Variants in HOOK3 observed in about 807,000 individuals in gnomAD.
HOOK3 encodes the protein hook microtubule tethering protein 3.
In HOOK3, 24 loss-of-function variants were observed where a neutral mutation model predicts 116.3. That is an observed-to-expected ratio of 0.21 (90% CI 0.15 to 0.29). HOOK3 has a LOEUF of 0.29. Ranked by LOEUF, HOOK3 falls within the 10% of genes least tolerant of loss-of-function variation. HOOK3 has a pLI of 1.00. For missense variants in HOOK3, 632 were observed against 830.2 expected (o/e 0.76, Z 2.93); for synonymous variants, 275 against 283.0 (o/e 0.97, Z 0.28).
Position 43,025,209 on chromosome 8 carries a change from G to A in HOOK3, c.*6711G>A, listed in dbSNP as rs1026349795. On this transcript the variant is annotated 3_prime_UTR_variant, in exon 22 of 22. Coordinates refer to ENST00000307602, the MANE Select transcript of HOOK3 (RefSeq NM_032410.4). ...TATGATAGATAAATATATAGATATAGATCAGGAATTACTTGATGTCTCTTC... is the reference window on the plus strand; with the variant it reads ...TATGATAGATAAATATATAGATATAAATCAGGAATTACTTGATGTCTCTTC... 2 of 205,120 alleles carry A rather than the reference G, an allele frequency of 9.8e-6. No homozygotes were observed. Among genetic ancestry groups the A allele is most frequent in the Non-Finnish European group, 2.0e-5 (2 of 100,282 alleles). 12.7% of individuals were successfully genotyped at this position (205,120 alleles called of 1,614,324 possible). A position where few individuals can be genotyped will look rare whatever the true frequency, so the allele number is the denominator to read the frequency against.
At position 42,964,291 on chromosome 8, in the gene HOOK3, G is replaced by A. The variant is rs763705555; in HGVS notation, c.616-20G>A. 21 of 1,612,854 alleles carry A rather than the reference G, an allele frequency of 1.3e-5. No homozygotes were observed. The highest frequency in any genetic ancestry group is 5.5e-5 in the South Asian group (5 of 91,040). On this transcript the variant is annotated intron_variant, in intron 8 of 21. Coordinates refer to ENST00000307602, the MANE Select transcript of HOOK3 (RefSeq NM_032410.4). ...AGTGTAGTTGGAAGAAATAACTGCC[G>A]TCGTCCTATATTCCAACAGGTTGCA...
In HOOK3 at chr8:43,010,305, C is replaced by T. The variant is rs1809580997; in HGVS notation, c.1739C>T (p.Ser580Phe). 3.1e-6 allele frequency: 4 copies of T among 1,278,996 alleles called. No homozygotes were observed. The highest frequency in any genetic ancestry group is 2.8e-5 in the Admixed American group (1 of 35,648). 79.2% of individuals were successfully genotyped at this position (1,278,996 alleles called of 1,614,324 possible). Residue 580 changes from serine to phenylalanine, a missense_variant and splice_region_variant, in exon 19 of 22, where the codon TCC (serine) becomes TTC (phenylalanine). Physicochemically the swap from Ser to Phe is radical, Grantham distance 155. Around this residue, in one of 3 missense-constraint regions of HOOK3, gnomAD observed 483 missense variants for 648.1 expected, o/e 0.75. Coordinates refer to ENST00000307602, the MANE Select transcript of HOOK3 (RefSeq NM_032410.4). ...EDLEPRFNNS[S>F]LKIEELQEAL... Reference sequence around the variant, plus strand: ...ATATTTTACTGTGTCTCATCTGCAGCCTTAAAAATTGAAGAATTACAAGAA... The same window carrying T: ...ATATTTTACTGTGTCTCATCTGCAGTCTTAAAAATTGAAGAATTACAAGAA...
chr8:42,958,095 G>A (rs1442186150), intron 7 of HOOK3, among the ~76,000 whole-genome samples: 2 of 152,202 alleles, frequency 1.3e-5, no homozygotes, highest in African/African-American at 2.4e-5. Flanking sequence ...GCTTCCCAAA[G>A]TGCTGGGGTT....
intron 15 of HOOK3, among the ~76,000 whole-genome samples, chr8:42,994,115 A>G (rs1431538846): frequency 6.6e-6 from 1 of 152,100 alleles, no homozygotes; most frequent in Non-Finnish European, 1.5e-5. Flanking sequence ...TCCTGGGTTC[A>G]AGTGATTCTC....
At chr8:42,932,522 C>T (rs1278261346) in intron 4 of HOOK3, among the ~76,000 whole-genome samples, 1 of 152,156 alleles carries the variant, frequency 6.6e-6, no homozygotes, top group Non-Finnish European at 1.5e-5. Flanking sequence ...AGCCAAGGCT[C>T]ATATGCACCT....
At chr8:42,985,543 T>C (rs1158021122) in intron 14 of HOOK3, among the ~76,000 whole-genome samples, 2 of 152,196 alleles carry the variant, frequency 1.3e-5, no homozygotes, top group Non-Finnish European at 2.9e-5. Flanking sequence ...TTTTGTGCTA[T>C]AGTTATGGAG....
At chr8:42,992,399 CA>C (rs36048747) in intron 15 of HOOK3, among the ~76,000 whole-genome samples, 512 of 38,946 alleles carry the variant, frequency 0.013, no homozygotes, top group Middle Eastern at 0.017. Flanking sequence ...GACTCTGTCT[CA>C]AAAAAAAAAA....
At chr8:42,969,511 G>T (rs549703190) in intron 11 of HOOK3, among the ~76,000 whole-genome samples, 12 of 152,302 alleles carry the variant, frequency 7.9e-5, no homozygotes, top group Admixed American at 6.5e-4. Flanking sequence ...TGTGGTCCCA[G>T]CTATTTGGGA....
rs1049553934 is a variant in HOOK3 at position 43,022,101 on chromosome 8, A to C, written c.*3603A>C. 5.4e-4 allele frequency: 110 copies of C among 201,870 alleles called. 1 individual carries two copies. In the East Asian group the frequency reaches 7.5e-3, roughly 14 times the overall value. The allele number at this position is 201,870 out of a possible 1,614,324, so 12.5% of individuals were successfully genotyped here. A position where few individuals can be genotyped will look rare whatever the true frequency, so the allele number is the denominator to read the frequency against. ...AGGCTGTTGTAAAAAAAAAAAAAAAAAAAACTTCTGAATATACTTTAGGTA... is the reference window on the plus strand; with the variant it reads ...AGGCTGTTGTAAAAAAAAAAAAAAACAAAACTTCTGAATATACTTTAGGTA... On this transcript the variant is annotated 3_prime_UTR_variant, in exon 22 of 22. Coordinates refer to ENST00000307602, the MANE Select transcript of HOOK3 (RefSeq NM_032410.4).
intron 7 of HOOK3, among the ~76,000 whole-genome samples, chr8:42,958,794 C>T (rs1808485308): frequency 1.3e-5 from 2 of 151,778 alleles, no homozygotes; most frequent in South Asian, 4.2e-4. Flanking sequence ...ATATGACTCT[C>T]CTTCCCCCAC....
intron 1 of HOOK3, among the ~76,000 whole-genome samples, chr8:42,902,250 G>A (rs1807204563): frequency 6.6e-6 from 1 of 151,020 alleles, no homozygotes. Context: ...GGGGAGCCAA[G>A]AAATGTGTAT....
intron 2 of HOOK3, among the ~76,000 whole-genome samples, chr8:42,912,365 C>CTT (rs34218770): frequency 0.13 from 19,704 of 152,052 alleles, 1,747 homozygotes; most frequent in African/African-American, 0.25. Flanking sequence ...TGACATCTCT[C>CTT]TTTGTCTATG....
intron 11 of HOOK3, among the ~76,000 whole-genome samples, chr8:42,968,969 T>C (rs1029148390): frequency 7.9e-5 from 12 of 152,168 alleles, no homozygotes; most frequent in African/African-American, 2.9e-4. Flanking sequence ...AAAGCACTCT[T>C]TGTAATTTTT....
intron 1 of HOOK3, chr8:42,897,402 G>T: frequency 2.6e-6 from 1 of 381,210 alleles, no homozygotes; most frequent in Admixed American, 4.5e-5. Context: ...CCGGGGCTGG[G>T]CTGGGAACGC....
chr8:42,969,564 A>G (rs914889201), intron 11 of HOOK3, among the ~76,000 whole-genome samples: 1 of 152,220 alleles, frequency 6.6e-6, no homozygotes, highest in African/African-American at 2.4e-5. Flanking sequence ...CTCAGAGGCT[A>G]CAGTGAGCTA....
chr8:42,962,772 CT>C (rs1808558529), intron 8 of HOOK3, among the ~76,000 whole-genome samples: 2 of 137,444 alleles, frequency 1.5e-5, no homozygotes, highest in Admixed American at 7.3e-5. Flanking sequence ...AATATATTGA[CT>C]TTTTTTGGTC....
chr8:42,906,251 CA>C lies in HOOK3; in HGVS notation c.140del (p.Lys47ArgfsTer2). On this transcript the variant is annotated frameshift_variant, in exon 2 of 22. Coordinates refer to ENST00000307602, the MANE Select transcript of HOOK3 (RefSeq NM_032410.4). LOFTEE classifies it high-confidence loss of function. ...TGGGGTTGTGATGGCCCAGGTTCTT[CA>C]AAAGATGTAAGAATAAATTGCTTAT... Reference protein sequence around the residue: ...TNGVVMAQVLQKIDPAYFDEN... With the variant: ...TNGVVMAQVLXKIDPAYFDEN... The C allele has an allele frequency of 6.6e-7, 1 of 1,504,720 alleles. No individual in the cohort carries two copies. The highest frequency in any genetic ancestry group is 9.0e-7 in the Non-Finnish European group (1 of 1,108,426). The allele number at this position is 1,504,720 out of a possible 1,614,324, so 93.2% of individuals were successfully genotyped here.
chr8:42,939,850 G>T (rs1397877571), intron 4 of HOOK3, among the ~76,000 whole-genome samples: 2 of 151,490 alleles, frequency 1.3e-5, no homozygotes, highest in South Asian at 2.1e-4. Context: ...GGACGGGGCG[G>T]CAGGGCAGAG....
chr8:42,926,197 A>G (rs531312557), intron 3 of HOOK3, among the ~76,000 whole-genome samples: 1 of 152,362 alleles, frequency 6.6e-6, no homozygotes, highest in African/African-American at 2.4e-5. Flanking sequence ...ATAGCTGAAC[A>G]GGTTTTTATC....
Sources: gnomAD v4.1 joint callset for allele counts (sites outside exome capture counted in the v4.1 genomes callset) on GRCh38, gnomAD v4.1.1 for gene constraint, gnomAD v4.1.1 regional missense constraint, MANE v1.5 for transcripts, NCBI Gene and HGNC (gene_info 2026-07-23, HGNC 2026-07-21) for gene names.